FRAS1: variants seen among roughly 807,000 people sequenced by gnomAD.
FRAS1 encodes the protein extracellular matrix organizing protein FRAS1.
A neutral mutation model predicts 435.2 loss-of-function variants in FRAS1; 290 were observed. That is an observed-to-expected ratio of 0.67 (90% CI 0.61 to 0.73). The LOEUF (loss-of-function observed/expected upper bound fraction) is 0.73, where lower values mean the gene tolerates loss of function less well. Among genes scored for constraint, FRAS1 ranks in the 30% least tolerant of loss-of-function variants. The pLI, the probability that FRAS1 is intolerant of heterozygous loss-of-function variation, is 0.00. For synonymous variants in FRAS1, 1,800 were observed against 1,851.0 expected (o/e 0.97, Z 0.71); for missense variants, 4,860 against 5,001.5 (o/e 0.97, Z 0.85).
At chr4:78,390,784 G>GT (rs2110334779) in intron 29 of FRAS1, among the ~76,000 whole-genome samples, 1 of 152,346 alleles carries the variant, frequency 6.6e-6, no homozygotes, top group South Asian at 2.1e-4. Flanking sequence ...AGATGGGCAT[G>GT]TAAGTTCTTA....
intron 22 of FRAS1, among the ~76,000 whole-genome samples, chr4:78,368,941 C>T (rs535747243): frequency 1.3e-5 from 2 of 152,092 alleles, no homozygotes; most frequent in East Asian, 3.9e-4. Context: ...AGTTTGAAGG[C>T]GAAAGTGTAC....
chr4:78,534,486 C>T lies in FRAS1; in HGVS notation c.10963C>T (p.Pro3655Ser). Residue 3655 changes from proline (P) to serine (S), a missense_variant, in exon 71 of 74, where the codon CCT (proline) becomes TCT (serine). Coordinates refer to ENST00000512123, the MANE Select transcript of FRAS1 (RefSeq NM_025074.7). ...IPIAFQQTNR[P>S]VPVVYSLNTE... ...CATTGCATTCCAGCAGACCAACCGC[C>T]CTGTGCCAGTTGTGTATTCACTTAA... 6.2e-7 allele frequency: 1 copy of T among 1,613,720 alleles called. No individual in the cohort carries two copies. Among genetic ancestry groups the T allele is most frequent in the Non-Finnish European group, 8.5e-7 (1 of 1,179,748 alleles).
At chr4:78,314,023 C>A (rs1192895264) in intron 15 of FRAS1, among the ~76,000 whole-genome samples, 1 of 152,280 alleles carries the variant, frequency 6.6e-6, no homozygotes, top group South Asian at 2.1e-4. Context: ...CCTTTGACTT[C>A]TCAGTCACCA....
chr4:78,438,361 A>G (rs1432153048), intron 38 of FRAS1, among the ~76,000 whole-genome samples: 1 of 152,214 alleles, frequency 6.6e-6, no homozygotes, highest in Admixed American at 6.5e-5. Context: ...CTACTCTTAG[A>G]AAAATATGTT....
At chr4:78,488,143 A>T (rs1251890207) in intron 58 of FRAS1, among the ~76,000 whole-genome samples, 1 of 152,226 alleles carries the variant, frequency 6.6e-6, no homozygotes, top group Admixed American at 6.5e-5. Context: ...AAAAAAAAAG[A>T]AGAGTCATCT....
At position 78,166,994 on chromosome 4, in the gene FRAS1, A is replaced by G. The variant is rs552120134; in HGVS notation, c.109-70516A>G. ...TGGAGCACAACTCCTCTTTCAAACA[A>G]GAGCATCTGCCCTGTATTATTAACT... is the stretch of plus-strand genomic sequence containing the variant. On this transcript the variant is annotated intron_variant, in intron 2 of 73. Coordinates refer to ENST00000512123, the MANE Select transcript of FRAS1 (RefSeq NM_025074.7). Among the ~76,000 whole-genome samples the G allele has an allele frequency of 4.6e-5, 7 of 152,306 alleles. No homozygotes were observed. In the South Asian group the frequency reaches 1.2e-3, roughly 27 times the overall value.
chr4:78,251,275 C>T (rs772970769), intron 4 of FRAS1, among the ~76,000 whole-genome samples: 3 of 152,144 alleles, frequency 2.0e-5, no homozygotes, highest in Non-Finnish European at 4.4e-5. Flanking sequence ...ACCTTTGTAT[C>T]TGTGTCCATT....
intron 59 of FRAS1, among the ~76,000 whole-genome samples, chr4:78,493,711 C>T (rs375210015): frequency 3.9e-5 from 6 of 151,938 alleles, no homozygotes; most frequent in Non-Finnish European, 7.4e-5. Context: ...ATTTAAATGA[C>T]GGGTTGATGG....
intron 65 of FRAS1, 86 bp from the exon 66 acceptor site, chr4:78,515,713 G>A (rs1259457270): frequency 8.1e-7 from 1 of 1,240,526 alleles, no homozygotes; most frequent in East Asian, 2.3e-5. Context: ...AGTGCTTTTA[G>A]TGCAAAAGGG....
chr4:78,230,031 G>A (rs1724453888), intron 2 of FRAS1, among the ~76,000 whole-genome samples: 1 of 152,218 alleles, frequency 6.6e-6, no homozygotes, highest in South Asian at 2.1e-4. Context: ...CTTGCACAAA[G>A]ACATTTTTAA....
At position 78,321,826 on chromosome 4, in the gene FRAS1, ACAAAACTTCGTC is replaced by A. The variant is rs1190905482; in HGVS notation, c.2137+2841_2137+2852del. 8.5e-3 allele frequency among the ~76,000 whole-genome samples: 1,243 copies of A among 146,764 alleles called. 16 individuals carry two copies. The highest frequency in any genetic ancestry group is 0.03 in the African/African-American group (1,170 of 39,258). On this transcript the variant is annotated intron_variant, in intron 18 of 73. Transcript: ENST00000512123. ...ACCATTGCTCTCCAGCCTGGAGTTA[ACAAAACTTCGTC>A]AAAAAAAAAAAAAAAAAAGGTTAGA...
At chr4:78,169,660 G>A (rs1367386355) in intron 2 of FRAS1, among the ~76,000 whole-genome samples, 1 of 152,128 alleles carries the variant, frequency 6.6e-6, no homozygotes, top group East Asian at 1.9e-4. Flanking sequence ...GAGGTGCAAG[G>A]AATGTTCTTT....
At chr4:78,172,488 C>G (rs1047408192) in intron 2 of FRAS1, among the ~76,000 whole-genome samples, 1 of 151,960 alleles carries the variant, frequency 6.6e-6, no homozygotes, top group Non-Finnish European at 1.5e-5. Flanking sequence ...TTTTTCTGAC[C>G]TAGCCATACC....
At chr4:78,272,125 G>A (rs560498162) in intron 9 of FRAS1, among the ~76,000 whole-genome samples, 1 of 152,274 alleles carries the variant, frequency 6.6e-6, no homozygotes, top group African/African-American at 2.4e-5. Context: ...TTTGAGAAAT[G>A]TCTGTTCATA....
intron 2 of FRAS1, among the ~76,000 whole-genome samples, chr4:78,078,647 ATAAT>A (rs1418759374): frequency 1.3e-5 from 2 of 152,148 alleles, no homozygotes; most frequent in Non-Finnish European, 2.9e-5. Flanking sequence ...TCATTCAATA[ATAAT>A]TAAGAACAAA....
intron 2 of FRAS1, among the ~76,000 whole-genome samples, chr4:78,070,274 T>C (rs201122744): frequency 1.4e-5 from 2 of 139,330 alleles, no homozygotes; most frequent in African/African-American, 2.6e-5. Context: ...TATATATATA[T>C]ACCTCCCCCC....
intron 14 of FRAS1, among the ~76,000 whole-genome samples, chr4:78,295,706 A>T (rs1728113316): frequency 6.7e-6 from 1 of 148,640 alleles, no homozygotes; most frequent in African/African-American, 2.5e-5. Context: ...TTTTGTATGT[A>T]TATTCTCTTA....
chr4:78,083,836 A>T (rs1741018882), intron 2 of FRAS1, among the ~76,000 whole-genome samples: 1 of 152,014 alleles, frequency 6.6e-6, no homozygotes, highest in South Asian at 2.1e-4. Context: ...ATTTCATTAG[A>T]GACCGGCAAA....
intron 20 of FRAS1, 57 bp from the exon 21 acceptor site, chr4:78,363,456 T>G: frequency 1.3e-6 from 2 of 1,531,746 alleles, no homozygotes; most frequent in South Asian, 1.3e-5. Context: ...TGTGCAGTGA[T>G]GAGACTTTGT....
Sources: gnomAD v4.1 joint callset for allele counts (sites outside exome capture counted in the v4.1 genomes callset) on GRCh38, gnomAD v4.1.1 for gene constraint, MANE v1.5 for transcripts, NCBI Gene and HGNC (gene_info 2026-07-23, HGNC 2026-07-21) for gene names.